The following HORMAD1 variants were observed in gnomAD, a reference collection of about 807,000 sequenced individuals.
The protein encoded by HORMAD1 is HORMA domain-containing protein 1.
HORMAD1 carries 33 observed loss-of-function variants against 58.2 expected under a neutral mutation model. That is an observed-to-expected ratio of 0.57 (90% CI 0.43 to 0.76). The LOEUF is 0.76. HORMAD1 is among the 30% of genes least tolerant of loss of function. HORMAD1 has a pLI of 0.00. For missense variants in HORMAD1, 363 were observed against 462.0 expected (o/e 0.79, Z 1.96); for synonymous variants, 137 against 144.6 (o/e 0.95, Z 0.38).
At chr1:150,718,650 G>A (rs1339905524) in intron 2 of HORMAD1, among the ~76,000 whole-genome samples, 1 of 151,800 alleles carries the variant, frequency 6.6e-6, no homozygotes. Flanking sequence ...TTTTTGAGAC[G>A]GAGTCTCACT....
chr1:150,706,647 T>C lies in HORMAD1; in HGVS notation c.710A>G (p.Asp237Gly). The C allele has an allele frequency of 1.9e-6, 3 of 1,613,688 alleles. No homozygotes were observed. The highest frequency in any genetic ancestry group is 2.5e-6 in the Non-Finnish European group (3 of 1,179,730). Residue 237 changes from aspartate (D) to glycine (G), a missense_variant, in exon 10 of 15, where the codon GAC becomes GGC. Asp to Gly is a moderately conservative substitution (Grantham distance 94). Transcript: ENST00000361824. Reference protein sequence around the residue: ...TTERERMENIDSTILSPKQIK... With the variant: ...TTERERMENIGSTILSPKQIK... ...TTGTTTTGGTGATAGTATAGTTGAG[T>C]CAATATTTTCCATTCGTTCTCTCTC...
At chr1:150,708,034 T>G (rs1333448452) in intron 9 of HORMAD1, among the ~76,000 whole-genome samples, 5 of 152,202 alleles carry the variant, frequency 3.3e-5, no homozygotes, top group Non-Finnish European at 7.3e-5. Context: ...ATTGTTAAAT[T>G]TGAGTGAGGT....
At position 150,713,920 on chromosome 1, in the gene HORMAD1, T is replaced by A. The variant is rs765108527; in HGVS notation, c.279+165A>T. On this transcript the variant is annotated intron_variant, in intron 5 of 14. Transcript: ENST00000361824. ...GTTAATTCCATTATCTTTAAATGAG[T>A]TGATGATTAGTCTTTAAAATATTCA... The A allele has an allele frequency of 2.0e-5, 12 of 609,678 alleles. No individual in the cohort carries two copies. The South Asian group carries it at 2.3e-4, about 11-fold the overall frequency. 37.8% of individuals were successfully genotyped at this position (609,678 alleles called of 1,614,324 possible).
intron 14 of HORMAD1, chr1:150,699,075 T>C: frequency 5.9e-6 from 1 of 169,252 alleles, no homozygotes; most frequent in Non-Finnish European, 1.3e-5. Flanking sequence ...TAGAAAAACA[T>C]TCTACCTTGG....
chr1:150,711,864 A>G lies in HORMAD1; in HGVS notation c.280-11T>C. 6.5e-7 allele frequency: 1 copy of G among 1,546,076 alleles called. No individual in the cohort carries two copies. Among genetic ancestry groups the G allele is most frequent in the Non-Finnish European group, 8.9e-7 (1 of 1,123,190 alleles). ...AACAACCATCCTTAGCTGAAATACA[A>G]CAAAGAACAAAAATCTTACTTGTAG... On this transcript the variant is annotated splice_polypyrimidine_tract_variant and intron_variant, in intron 5 of 14. Transcript: ENST00000361824.
At chr1:150,703,432 T>A (rs952814856) in intron 12 of HORMAD1, 39 bp from the exon 13 acceptor site, 25 of 1,123,014 alleles carry the variant, frequency 2.2e-5, no homozygotes, top group Non-Finnish European at 2.7e-5. Context: ...TAACTTAGTA[T>A]AATAAAACCT....
At chr1:150,707,374 G>A (rs993875009) in intron 9 of HORMAD1, among the ~76,000 whole-genome samples, 3 of 152,128 alleles carry the variant, frequency 2.0e-5, no homozygotes, top group African/African-American at 7.2e-5. Context: ...TTAACAGCTT[G>A]TGTAGTATTC....
At chr1:150,707,351 C>G (rs1352034476) in intron 9 of HORMAD1, among the ~76,000 whole-genome samples, 1 of 152,164 alleles carries the variant, frequency 6.6e-6, no homozygotes, top group East Asian at 1.9e-4. Flanking sequence ...CGTAATTTAT[C>G]AGCACCTTCT....
At chr1:150,711,784 C>G in intron 6 of HORMAD1, 49 bp downstream of exon 6, 5 of 1,351,872 alleles carry the variant, frequency 3.7e-6, no homozygotes, top group Non-Finnish European at 5.2e-6. Flanking sequence ...TTAAGCAAGG[C>G]CAAATTTGGC....
In HORMAD1 at chr1:150,698,744, G is replaced by A. The variant is rs202000008; in HGVS notation, c.1105-10C>T. Reference sequence around the variant, plus strand: ...CAAAGTGATGGAGGACCTGTCAAAAGAAAACAACTACTAAGAATAGATACT... The same window carrying A: ...CAAAGTGATGGAGGACCTGTCAAAAAAAAACAACTACTAAGAATAGATACT... On this transcript the variant is annotated splice_polypyrimidine_tract_variant and intron_variant, in intron 14 of 14. Coordinates refer to ENST00000361824, the MANE Select transcript of HORMAD1 (RefSeq NM_032132.5). 6.8e-7 allele frequency: 1 copy of A among 1,480,848 alleles called. No individual in the cohort carries two copies. The highest frequency in any genetic ancestry group is 1.2e-5 in the South Asian group (1 of 84,814). 91.7% of individuals were successfully genotyped at this position (1,480,848 alleles called of 1,614,324 possible). A position where few individuals can be genotyped will look rare whatever the true frequency, so the allele number is the denominator to read the frequency against.
At chr1:150,720,162 C>G (rs749411799) in intron 1 of HORMAD1, among the ~76,000 whole-genome samples, 10 of 152,144 alleles carry the variant, frequency 6.6e-5, no homozygotes, top group African/African-American at 2.4e-4. Flanking sequence ...GCAACCTCCC[C>G]CTCTGGGTTC....
intron 9 of HORMAD1, among the ~76,000 whole-genome samples, chr1:150,707,645 T>G (rs1651735853): frequency 6.6e-6 from 1 of 152,202 alleles, no homozygotes; most frequent in South Asian, 2.1e-4. Context: ...TGTACAAAAG[T>G]GCCTGCTCAG....
At chr1:150,720,189 TGAGCCTC>T (rs1652207140) in intron 1 of HORMAD1, among the ~76,000 whole-genome samples, 1 of 152,126 alleles carries the variant, frequency 6.6e-6, no homozygotes, top group Non-Finnish European at 1.5e-5. Flanking sequence ...TTCTCCTGCC[TGAGCCTC>T]CTGAGTAGCT....
chr1:150,712,679 A>G (rs112443540), intron 5 of HORMAD1, among the ~76,000 whole-genome samples: 58,478 of 151,864 alleles, frequency 0.39, 11,585 homozygotes, highest in South Asian at 0.55. Flanking sequence ...CTCCTGAGTA[A>G]CTGGGATTAC....
chr1:150,707,391 G>A (rs1355063827), intron 9 of HORMAD1, among the ~76,000 whole-genome samples: 5 of 152,076 alleles, frequency 3.3e-5, no homozygotes, highest in East Asian at 3.8e-4. Context: ...ATTCTATTAC[G>A]CAGATGGACC....
chr1:150,705,456 A>C (rs1051060600), intron 10 of HORMAD1, among the ~76,000 whole-genome samples: 3 of 151,798 alleles, frequency 2.0e-5, no homozygotes, highest in Middle Eastern at 3.2e-3. Flanking sequence ...ACCTGGGAGG[A>C]GGAGGTTGCT....
chr1:150,707,887 G>A lies in HORMAD1; in HGVS notation c.547+369C>T, dbSNP rs141716308. Reference sequence around the variant, plus strand: ...GGAGGTGGAGGCTGCAGTGAGCTGAGATTATGCCACTGCACTCCAGCCTGG... The same window carrying A: ...GGAGGTGGAGGCTGCAGTGAGCTGAAATTATGCCACTGCACTCCAGCCTGG... On this transcript the variant is annotated intron_variant, in intron 9 of 14. Transcript: ENST00000361824. Among the ~76,000 whole-genome samples, 1,005 of 152,282 alleles carry A rather than the reference G, an allele frequency of 6.6e-3. 15 individuals carry two copies. The highest frequency in any genetic ancestry group is 0.023 in the African/African-American group (957 of 41,546).
chr1:150,702,000 G>C (rs1366021142), intron 13 of HORMAD1: 1 of 152,004 alleles, frequency 6.6e-6, no homozygotes. Context: ...CTACAGAATG[G>C]GAGAAAATTT....
chr1:150,717,544 A>T (rs190847119), intron 2 of HORMAD1, among the ~76,000 whole-genome samples: 2,577 of 151,974 alleles, frequency 0.017, 32 homozygotes, highest in Non-Finnish European at 0.027. Context: ...TTGAGACAGG[A>T]TCTCACTGTA....
Sources: allele counts gnomAD v4.1 joint callset (sites outside exome capture counted in the v4.1 genomes callset), GRCh38; gene constraint gnomAD v4.1.1; transcripts MANE v1.5; gene names NCBI Gene and HGNC (gene_info 2026-07-23, HGNC 2026-07-21).